The following RPA1 variants were observed in gnomAD, a reference collection of about 807,000 sequenced individuals.
RPA1 encodes replication protein A1.
RPA1 carries 49 observed loss-of-function variants against 83.0 expected under a neutral mutation model. The ratio of observed to expected loss-of-function variants is 0.59; its 90% confidence interval spans 0.47 to 0.75. The LOEUF is 0.75. RPA1 is among the 30% of genes least tolerant of loss of function. The probability of loss-of-function intolerance (pLI) is 0.00; values close to 1 mark genes in which losing one functional copy is unlikely to be tolerated. For missense variants in RPA1, 693 were observed against 776.1 expected (o/e 0.89, Z 1.27); for synonymous variants, 279 against 281.8 (o/e 0.99, Z 0.10).
At chr17:1,872,081 T>G in intron 5 of RPA1, 1 of 263,738 alleles carries the variant, frequency 3.8e-6, no homozygotes, top group East Asian at 7.8e-5. Flanking sequence ...ATGACATCGA[T>G]TTGTTGCTAT....
At chr17:1,841,240 G>A (rs750440802) in intron 1 of RPA1, among the ~76,000 whole-genome samples, 5 of 152,178 alleles carry the variant, frequency 3.3e-5, no homozygotes, top group Admixed American at 6.5e-5. Flanking sequence ...GATACCTTAG[G>A]ATTTTCTATG....
intron 5 of RPA1, among the ~76,000 whole-genome samples, chr17:1,866,058 T>G (rs1194372445): frequency 1.3e-5 from 2 of 151,978 alleles, no homozygotes; most frequent in Non-Finnish European, 2.9e-5. Flanking sequence ...CTGGGCAACA[T>G]GACGAAACCC....
At chr17:1,834,000 G>A (rs1911715491) in intron 1 of RPA1, among the ~76,000 whole-genome samples, 1 of 152,170 alleles carries the variant, frequency 6.6e-6, no homozygotes, top group Admixed American at 6.5e-5. Context: ...TGGCCAACAT[G>A]GGGAAACCCT....
At chr17:1,892,953 A>G (rs1459240139) in intron 15 of RPA1, among the ~76,000 whole-genome samples, 2 of 152,260 alleles carry the variant, frequency 1.3e-5, no homozygotes, top group African/African-American at 4.8e-5. Flanking sequence ...ACCTTTCTGT[A>G]GATGGCTTTT....
chr17:1,835,451 C>T (rs995417524), intron 1 of RPA1, among the ~76,000 whole-genome samples: 1 of 152,176 alleles, frequency 6.6e-6, no homozygotes, highest in Non-Finnish European at 1.5e-5. Context: ...GCCACTGTGC[C>T]TGGCCTTGTC....
chr17:1,895,527 C>T, intron 16 of RPA1, among the ~76,000 whole-genome samples: 1 of 151,618 alleles, frequency 6.6e-6, no homozygotes, highest in Non-Finnish European at 1.5e-5. Context: ...GAGACTGAGG[C>T]AGCAGTTCAA....
intron 12 of RPA1, 111 bp from the exon 13 acceptor site, chr17:1,883,701 C>A (rs1205987679): frequency 1.4e-6 from 2 of 1,397,600 alleles, no homozygotes; most frequent in Non-Finnish European, 2.0e-6. Flanking sequence ...TGTGTGAAAG[C>A]TGGGCGGGTG....
intron 1 of RPA1, among the ~76,000 whole-genome samples, chr17:1,834,871 G>A (rs1474956190): frequency 6.6e-6 from 1 of 151,852 alleles, no homozygotes; most frequent in African/African-American, 2.4e-5. Context: ...ACTTACTAGG[G>A]ATTTTTTTTT....
intron 4 of RPA1, among the ~76,000 whole-genome samples, chr17:1,852,577 G>T (rs7220634): frequency 0.21 from 31,216 of 152,132 alleles, 3,369 homozygotes; most frequent in Admixed American, 0.24. Flanking sequence ...CGGGAGGGGG[G>T]TTAGCAAGGC....
rs1169154697 is a variant in RPA1 at position 1,895,076 on chromosome 17, T to G, written c.1727T>G (p.Val576Gly). ...NFRSFIFRVRVKVETYNDESR... is the reference protein window; with the variant it reads ...NFRSFIFRVRGKVETYNDESR... ...CGATCTTTCATATTCAGAGTCAGGG[T>G]CAAAGTGGAGACCTACAACGTAAGT... The change falls in exon 16 of 17, where the codon GTC becomes GGC. Residue 576 changes from valine to glycine, a missense_variant. Transcript: ENST00000254719. 3.1e-6 allele frequency: 5 copies of G among 1,613,390 alleles called. No homozygotes were observed. The highest frequency in any genetic ancestry group is 4.2e-6 in the Non-Finnish European group (5 of 1,179,684).
chr17:1,844,554 T>C (rs1714274473), intron 3 of RPA1, 24 bp from the exon 4 acceptor site: 2 of 1,598,772 alleles, frequency 1.3e-6, no homozygotes, highest in African/African-American at 1.3e-5. Flanking sequence ...TTTTGGAGGC[T>C]AAAGAAATCT....
intron 5 of RPA1, among the ~76,000 whole-genome samples, chr17:1,856,822 T>C (rs1400303935): frequency 6.6e-6 from 1 of 151,686 alleles, no homozygotes; most frequent in Non-Finnish European, 1.5e-5. Context: ...TATATATATA[T>C]TATATAACAT....
chr17:1,860,309 G>A (rs1912900263), intron 5 of RPA1, among the ~76,000 whole-genome samples: 1 of 151,994 alleles, frequency 6.6e-6, no homozygotes, highest in African/African-American at 2.4e-5. Context: ...ACCACGCCCG[G>A]CTCATTTCTT....
chr17:1,830,038 G>T lies in RPA1; in HGVS notation c.-56G>T, dbSNP rs934368242. The stretch of plus-strand genomic sequence containing the variant: ...AATAACTGCGCAGCGCGCGGGACCC[G>T]GGTGGGGAAGCTGGAGCTGTTGCGG... On this transcript the variant is annotated 5_prime_UTR_variant, in exon 1 of 17. Transcript: ENST00000254719. 1.6e-6 allele frequency: 2 copies of T among 1,245,280 alleles called. No individual in the cohort carries two copies. Among genetic ancestry groups the T allele is most frequent in the South Asian group, 8.2e-5 (2 of 24,314 alleles). 77.1% of individuals were successfully genotyped at this position (1,245,280 alleles called of 1,614,324 possible). A position where few individuals can be genotyped will look rare whatever the true frequency, so the allele number is the denominator to read the frequency against.
intron 5 of RPA1, among the ~76,000 whole-genome samples, chr17:1,868,066 G>A (rs1913245378): frequency 6.6e-6 from 1 of 151,992 alleles, no homozygotes; most frequent in African/African-American, 2.4e-5. Context: ...CCTGGGCATT[G>A]GAGCAATACC....
chr17:1,838,472 G>A (rs1007876461), intron 1 of RPA1, among the ~76,000 whole-genome samples: 3 of 151,122 alleles, frequency 2.0e-5, no homozygotes, highest in East Asian at 2.0e-4. Context: ...GCGTGGTGGC[G>A]CATGCCTGTA....
In RPA1 at chr17:1,897,018, A is replaced by C. The variant is rs373220397; in HGVS notation, c.1747-53A>C. 5.4e-6 allele frequency: 8 copies of C among 1,472,428 alleles called. No homozygotes were observed. In the African/African-American group the frequency reaches 7.0e-5, roughly 13 times the overall value. The allele number at this position is 1,472,428 out of a possible 1,614,324, so 91.2% of individuals were successfully genotyped here. On this transcript the variant is annotated intron_variant, in intron 16 of 16. Coordinates refer to ENST00000254719, the MANE Select transcript of RPA1 (RefSeq NM_002945.5). The stretch of plus-strand genomic sequence containing the variant: ...AAACCACTGAAGCAAAAGGGGTTTC[A>C]CTGCTCCACACCACACTTTCACTGC...
chr17:1,842,713 C>T, intron 1 of RPA1, 90 bp from the exon 2 acceptor site: 1 of 1,130,054 alleles, frequency 8.8e-7, no homozygotes, highest in East Asian at 2.4e-5. Context: ...ACAATCTTAT[C>T]TATATATTCC....
At chr17:1,847,453 G>A (rs1307143790) in intron 4 of RPA1, among the ~76,000 whole-genome samples, 4 of 152,186 alleles carry the variant, frequency 2.6e-5, no homozygotes, top group African/African-American at 9.6e-5. Context: ...CACTCCCCTG[G>A]GCTTTGCCTG....
Sources: gnomAD v4.1 joint callset for allele counts (sites outside exome capture counted in the v4.1 genomes callset) on GRCh38, gnomAD v4.1.1 for gene constraint, MANE v1.5 for transcripts, NCBI Gene and HGNC (gene_info 2026-07-23, HGNC 2026-07-21) for gene names.